The following ROBO1 variants were observed in gnomAD, a reference collection of about 807,000 sequenced individuals.
The protein encoded by ROBO1 is roundabout guidance receptor 1, also known as roundabout homolog 1.
Under a neutral mutation model 195.9 loss-of-function variants are expected in ROBO1, and 149 were observed. The observed-to-expected ratio is 0.76, with a 90% CI of 0.67 to 0.87. ROBO1 has a LOEUF of 0.87. ROBO1 is among the 40% of genes least tolerant of loss of function. ROBO1 has a pLI of 0.00. For synonymous variants in ROBO1, 816 were observed against 733.2 expected, an observed-to-expected ratio of 1.11 and a Z score of -1.82; for missense variants, 1,933 against 2,068.3, an observed-to-expected ratio of 0.93 and a Z score of 1.27.
intron 2 of ROBO1, among the ~76,000 whole-genome samples, chr3:79,488,064 CTGTT>C (rs1404094963): frequency 3.9e-5 from 6 of 152,000 alleles, no homozygotes; most frequent in South Asian, 2.1e-4. Context: ...TATTCAGACT[CTGTT>C]AGCTGTTCCT....
chr3:79,381,185 C>T (rs1404141610), intron 2 of ROBO1, among the ~76,000 whole-genome samples: 2 of 151,560 alleles, frequency 1.3e-5, no homozygotes, highest in African/African-American at 4.8e-5. Flanking sequence ...GGCGAAACCC[C>T]GTCTCTACTA....
At chr3:79,041,162 T>A (rs1021358052) in intron 3 of ROBO1, among the ~76,000 whole-genome samples, 1 of 152,212 alleles carries the variant, frequency 6.6e-6, no homozygotes, top group East Asian at 1.9e-4. Flanking sequence ...AGGGATATGC[T>A]TGGGGGAAGT....
Position 79,373,777 on chromosome 3 carries a change from G to A in ROBO1, c.88+216047C>T, listed in dbSNP as rs2036286447. The stretch of plus-strand genomic sequence containing the variant: ...CTTTCTTGGATATGAAGCCAAAAGG[G>A]AACATAGCCATTTAAGGATCTTAGT... On this transcript the variant is annotated intron_variant, in intron 2 of 30. Transcript: ENST00000464233. Among the ~76,000 whole-genome samples the A allele has an allele frequency of 3.3e-5, 5 of 152,254 alleles. No individual in the cohort carries two copies. In the South Asian group the frequency reaches 8.3e-4, roughly 25 times the overall value.
chr3:79,023,869 AT>A (rs569045261), intron 3 of ROBO1, among the ~76,000 whole-genome samples: 320 of 134,836 alleles, frequency 2.4e-3, no homozygotes, highest in South Asian at 3.6e-3. Flanking sequence ...ACACCCGGCT[AT>A]TTTTTTTTTT....
intron 2 of ROBO1, among the ~76,000 whole-genome samples, chr3:79,409,330 T>C (rs1361272472): frequency 6.6e-6 from 1 of 152,116 alleles, no homozygotes; most frequent in Non-Finnish European, 1.5e-5. Context: ...AGCATTCAGG[T>C]CTATACCAAA....
At chr3:79,570,772 T>C (rs1445101967) in intron 2 of ROBO1, among the ~76,000 whole-genome samples, 2 of 152,138 alleles carry the variant, frequency 1.3e-5, no homozygotes, top group African/African-American at 4.8e-5. Context: ...TAAAAAGTTA[T>C]ACTGGTTATC....
chr3:79,644,063 T>C (rs763173323), intron 1 of ROBO1, among the ~76,000 whole-genome samples: 1 of 152,246 alleles, frequency 6.6e-6, no homozygotes, highest in South Asian at 2.1e-4. Flanking sequence ...GCTATAATTA[T>C]ATGAGATTAA....
intron 2 of ROBO1, among the ~76,000 whole-genome samples, chr3:79,518,408 C>T (rs1941045769): frequency 6.6e-6 from 1 of 152,080 alleles, no homozygotes; most frequent in Non-Finnish European, 1.5e-5. Context: ...TCCTACCAGC[C>T]TCCCTCCCTC....
intron 4 of ROBO1, among the ~76,000 whole-genome samples, chr3:78,752,452 T>C (rs1470432244): frequency 6.6e-6 from 1 of 152,114 alleles, no homozygotes; most frequent in Non-Finnish European, 1.5e-5. Context: ...TTGCAGGTTA[T>C]TTTGAATTAA....
At chr3:78,953,422 T>G (rs2040888283) in intron 3 of ROBO1, among the ~76,000 whole-genome samples, 1 of 152,066 alleles carries the variant, frequency 6.6e-6, no homozygotes, top group African/African-American at 2.4e-5. Context: ...ATCCACCAAT[T>G]TATCCATTAG....
chr3:79,380,506 A>T (rs142677314), intron 2 of ROBO1, among the ~76,000 whole-genome samples: 1 of 152,168 alleles, frequency 6.6e-6, no homozygotes, highest in Non-Finnish European at 1.5e-5. Context: ...AATTTTGAAC[A>T]ATCTCCACTG....
Position 78,685,897 on chromosome 3 carries a change from T to C in ROBO1, c.1191A>G (p.Gln397=). Residue 397 remains glutamine (Q), a synonymous_variant, in exon 10 of 31, where the codon CAA becomes CAG. Transcript: ENST00000464233. ...EGSQNLLFSY[Q]PPQSSSRFSV... ...AAAATCGGCTGGATGACTGTGGTGG[T>C]TGATATGAGAAAAGTAGATTCTAGA... is the stretch of plus-strand genomic sequence containing the variant. 7 of 1,597,306 alleles carry C rather than the reference T, an allele frequency of 4.4e-6. No individual in the cohort carries two copies. Among genetic ancestry groups the C allele is most frequent in the Non-Finnish European group, 6.0e-6 (7 of 1,170,240 alleles).
intron 4 of ROBO1, among the ~76,000 whole-genome samples, chr3:78,881,250 C>G (rs779665795): frequency 6.6e-6 from 1 of 152,138 alleles, no homozygotes; most frequent in Non-Finnish European, 1.5e-5. Flanking sequence ...GGAAATTTCA[C>G]CAACTCATTT....
intron 4 of ROBO1, among the ~76,000 whole-genome samples, chr3:78,912,177 T>C (rs1288702959): frequency 2.0e-5 from 3 of 152,082 alleles, no homozygotes; most frequent in Non-Finnish European, 4.4e-5. Flanking sequence ...GCAGAATGAT[T>C]TTAATTACAA....
intron 2 of ROBO1, among the ~76,000 whole-genome samples, chr3:79,170,030 G>C (rs945003826): frequency 6.6e-6 from 1 of 152,110 alleles, no homozygotes; most frequent in Non-Finnish European, 1.5e-5. Flanking sequence ...GAGAGAGCGA[G>C]AGAGAGAAAA....
At chr3:79,070,402 C>T (rs955485945) in intron 3 of ROBO1, among the ~76,000 whole-genome samples, 1 of 151,884 alleles carries the variant, frequency 6.6e-6, no homozygotes, top group Non-Finnish European at 1.5e-5. Flanking sequence ...AAGTGGAAAA[C>T]TTTGTAAAAT....
chr3:78,737,708 TAGAC>T (rs551570844), intron 5 of ROBO1, among the ~76,000 whole-genome samples: 28 of 152,288 alleles, frequency 1.8e-4, no homozygotes, highest in Non-Finnish European at 2.5e-4. Context: ...AAAATTAAGA[TAGAC>T]AGGAAAAATT....
intron 2 of ROBO1, among the ~76,000 whole-genome samples, chr3:79,145,879 T>G (rs764215310): frequency 3.9e-5 from 6 of 151,942 alleles, no homozygotes; most frequent in East Asian, 1.9e-4. Flanking sequence ...TTGAGTGAAA[T>G]AGATGGTGAC....
intron 2 of ROBO1, among the ~76,000 whole-genome samples, chr3:79,477,473 T>C (rs1347099165): frequency 2.6e-5 from 4 of 152,144 alleles, no homozygotes; most frequent in African/African-American, 9.7e-5. Context: ...TTTTCTTTTT[T>C]ATTAGGTGCA....
Sources: allele counts gnomAD v4.1 joint callset (sites outside exome capture counted in the v4.1 genomes callset), GRCh38; gene constraint gnomAD v4.1.1; transcripts MANE v1.5; gene names NCBI Gene and HGNC (gene_info 2026-07-23, HGNC 2026-07-21).